The following GLCE variants were observed in gnomAD, a reference collection of about 807,000 sequenced individuals.
The protein encoded by GLCE is glucuronic acid epimerase.
GLCE carries 19 observed loss-of-function variants against 47.9 expected under a neutral mutation model. The ratio of observed to expected loss-of-function variants is 0.40; its 90% CI spans 0.28 to 0.58. GLCE has a LOEUF of 0.58. GLCE is among the 20% of genes least tolerant of loss of function. GLCE has a pLI of 0.48. For synonymous variants in GLCE, 245 were observed against 263.4 expected, an observed-to-expected ratio of 0.93 and a Z score of 0.68; for missense variants, 556 against 743.3, an observed-to-expected ratio of 0.75 and a Z score of 2.93.
intron 1 of GLCE, among the ~76,000 whole-genome samples, chr15:69,195,868 T>C (rs1280655361): frequency 6.6e-6 from 1 of 152,190 alleles, no homozygotes; most frequent in African/African-American, 2.4e-5. Flanking sequence ...ATACCATTCC[T>C]ACTATTGCCA....
chr15:69,252,222 G>A (rs2052854666), intron 2 of GLCE, among the ~76,000 whole-genome samples: 2 of 152,056 alleles, frequency 1.3e-5, no homozygotes, highest in African/African-American at 4.8e-5. Context: ...TTCTTGCATT[G>A]CTGTAAAGGA....
chr15:69,271,848 ACT>A lies in GLCE; in HGVS notation c.*2608_*2609del, dbSNP rs982637278. 2.6e-5 allele frequency: 4 copies of A among 152,490 alleles called. No homozygotes were observed. The highest frequency in any genetic ancestry group is 9.7e-5 in the African/African-American group (4 of 41,384). The allele number at this position is 152,490 out of a possible 1,614,324, so 9.4% of individuals were successfully genotyped here. ...CAAGTGCAAAAATGACACAAGCACA[ACT>A]CTCCAGACGTGGCTCCTTCTCCTTT... On this transcript the variant is annotated 3_prime_UTR_variant, in exon 5 of 5. Coordinates refer to ENST00000261858, the MANE Select transcript of GLCE (RefSeq NM_015554.3).
chr15:69,185,854 C>G (rs1297916426), intron 1 of GLCE, among the ~76,000 whole-genome samples: 1 of 152,094 alleles, frequency 6.6e-6, no homozygotes, highest in Non-Finnish European at 1.5e-5. Context: ...CCCCATCCTT[C>G]AGACACCAGT....
At chr15:69,193,186 G>A (rs545372038) in intron 1 of GLCE, among the ~76,000 whole-genome samples, 3 of 151,542 alleles carry the variant, frequency 2.0e-5, no homozygotes, top group African/African-American at 4.8e-5. Flanking sequence ...CTTTCCCTGC[G>A]CCATTGTTTG....
intron 3 of GLCE, 24 bp downstream of exon 3, chr15:69,256,416 G>T (rs766368884): frequency 3.4e-6 from 5 of 1,467,990 alleles, no homozygotes; most frequent in Non-Finnish European, 3.8e-6. Flanking sequence ...TGCTTCACTT[G>T]CATTTTTCAA....
intron 1 of GLCE, among the ~76,000 whole-genome samples, chr15:69,174,121 G>A (rs2051626103): frequency 6.6e-6 from 1 of 152,214 alleles, no homozygotes; most frequent in South Asian, 2.1e-4. Flanking sequence ...GCCTCCCAAA[G>A]TGATGGGATT....
chr15:69,208,960 T>A (rs1385082704), intron 1 of GLCE, among the ~76,000 whole-genome samples: 7 of 152,126 alleles, frequency 4.6e-5, no homozygotes, highest in African/African-American at 1.7e-4. Flanking sequence ...ATGTTGACCT[T>A]TTCTCCCCAA....
intron 2 of GLCE, among the ~76,000 whole-genome samples, chr15:69,237,440 C>CA (rs567998310): frequency 8.3e-4 from 126 of 151,764 alleles, no homozygotes; most frequent in African/African-American, 2.8e-3. Flanking sequence ...ACTAAAAGTA[C>CA]AAAAAAAATC....
intron 2 of GLCE, among the ~76,000 whole-genome samples, chr15:69,238,272 A>T (rs1347423133): frequency 6.6e-6 from 1 of 152,182 alleles, no homozygotes; most frequent in African/African-American, 2.4e-5. Flanking sequence ...GTGAAAGTAT[A>T]TGGTGACTTG....
chr15:69,191,656 G>A (rs565491234), intron 1 of GLCE, among the ~76,000 whole-genome samples: 1 of 152,280 alleles, frequency 6.6e-6, no homozygotes, highest in East Asian at 1.9e-4. Context: ...CAAAATTCCA[G>A]TTTCCAAGAA....
rs182658427 is a variant in GLCE, at chr15:69,173,487, G to C, written c.-105+12730G>C. Among the ~76,000 whole-genome samples, 136 of 152,272 alleles carry C rather than the reference G, an allele frequency of 8.9e-4. 1 individual carries two copies. Among genetic ancestry groups the C allele is most frequent in the Non-Finnish European group, 2.4e-4 (16 of 68,014 alleles). On this transcript the variant is annotated intron_variant, in intron 1 of 4. Transcript: ENST00000261858. The stretch of plus-strand genomic sequence containing the variant: ...ATTGCAGTCTGGAGGATGGAACTAG[G>C]AACAATGAATGAAAGTTAGAGGAAG...
chr15:69,187,800 C>G (rs2051846670), intron 1 of GLCE, among the ~76,000 whole-genome samples: 1 of 152,028 alleles, frequency 6.6e-6, no homozygotes, highest in South Asian at 2.1e-4. Flanking sequence ...TGGTGGCTCA[C>G]CTGTGCAATC....
chr15:69,202,046 A>G (rs1452778484), intron 1 of GLCE, among the ~76,000 whole-genome samples: 4 of 152,092 alleles, frequency 2.6e-5, no homozygotes, highest in East Asian at 3.9e-4. Context: ...CAGCCTCCCA[A>G]CGAACTGGGA....
At chr15:69,207,144 T>C (rs1407034476) in intron 1 of GLCE, among the ~76,000 whole-genome samples, 6 of 152,078 alleles carry the variant, frequency 3.9e-5, no homozygotes, top group Non-Finnish European at 7.4e-5. Flanking sequence ...CTGTGAGAAA[T>C]AAATTTACCC....
At chr15:69,231,286 A>ATT (rs67017442) in intron 2 of GLCE, among the ~76,000 whole-genome samples, 193 of 139,672 alleles carry the variant, frequency 1.4e-3, no homozygotes, top group African/African-American at 2.8e-3. Context: ...TTGTCCAGTC[A>ATT]TTTTTTTTTT....
rs138990764 is a variant in GLCE at position 69,264,847 on chromosome 15, A to G, written c.830-3373A>G. 3.7e-4 allele frequency among the ~76,000 whole-genome samples: 56 copies of G among 152,276 alleles called. 1 individual carries two copies. The East Asian group carries it at 0.011, about 29-fold the overall frequency. Reference sequence around the variant, plus strand: ...TTTTGGCCACTCGTGTCTTCTTTGAAAAAGTGTCTATTCAGATCATTTGCT... The same window carrying G: ...TTTTGGCCACTCGTGTCTTCTTTGAGAAAGTGTCTATTCAGATCATTTGCT... On this transcript the variant is annotated intron_variant, in intron 4 of 4. Coordinates refer to ENST00000261858, the MANE Select transcript of GLCE (RefSeq NM_015554.3).
At chr15:69,162,136 CT>C in intron 1 of GLCE, among the ~76,000 whole-genome samples, 1 of 152,310 alleles carries the variant, frequency 6.6e-6, no homozygotes, top group South Asian at 2.1e-4. Flanking sequence ...AGCTAGAACT[CT>C]GCAAAAACGT....
intron 2 of GLCE, among the ~76,000 whole-genome samples, chr15:69,234,214 G>A (rs1195980264): frequency 6.6e-6 from 1 of 152,068 alleles, no homozygotes; most frequent in Non-Finnish European, 1.5e-5. Context: ...CTGACCTCAG[G>A]TAATCCGCCC....
chr15:69,202,483 T>C (rs2052089380), intron 1 of GLCE, among the ~76,000 whole-genome samples: 1 of 152,118 alleles, frequency 6.6e-6, no homozygotes, highest in Non-Finnish European at 1.5e-5. Flanking sequence ...GTGTGCCGAG[T>C]GTGGGTCTAC....
Sources: allele counts gnomAD v4.1 joint callset (sites outside exome capture counted in the v4.1 genomes callset), GRCh38; gene constraint gnomAD v4.1.1; transcripts MANE v1.5; gene names NCBI Gene and HGNC (gene_info 2026-07-23, HGNC 2026-07-21).